SKAP1: variants seen among roughly 807,000 people sequenced by gnomAD.
SKAP1 encodes the protein src kinase associated phosphoprotein 1, also known as src kinase-associated phosphoprotein 1.
In SKAP1, 44 loss-of-function variants were observed where a neutral mutation model predicts 58.5. That is an observed-to-expected ratio of 0.75 (90% CI 0.59 to 0.97). The LOEUF (loss-of-function observed/expected upper bound fraction) is 0.97, where lower values mean the gene tolerates loss of function less well. SKAP1 is among the 50% of genes least tolerant of loss of function. SKAP1 has a pLI of 0.00. For missense variants in SKAP1, 390 were observed against 435.2 expected (o/e 0.90, Z 0.92); for synonymous variants, 127 against 149.7 (o/e 0.85, Z 1.11).
At chr17:48,306,028 T>C (rs1309777828) in intron 4 of SKAP1, among the ~76,000 whole-genome samples, 2 of 152,212 alleles carry the variant, frequency 1.3e-5, no homozygotes, top group East Asian at 3.8e-4. Context: ...ATTTGAGATT[T>C]TCAAGTTATA....
At chr17:48,406,507 G>A (rs2067587136) in intron 1 of SKAP1, among the ~76,000 whole-genome samples, 1 of 150,760 alleles carries the variant, frequency 6.6e-6, no homozygotes, top group South Asian at 2.1e-4. Context: ...GGGCTCAAGT[G>A]ATTCACCCAC....
At chr17:48,338,065 C>CTTCT (rs887139952) in intron 4 of SKAP1, among the ~76,000 whole-genome samples, 3 of 149,648 alleles carry the variant, frequency 2.0e-5, no homozygotes, top group Non-Finnish European at 4.5e-5. Flanking sequence ...CACTTAGTTC[C>CTTCT]TTCTTTCTTT....
At chr17:48,216,483 C>T (rs2064940225) in intron 4 of SKAP1, among the ~76,000 whole-genome samples, 1 of 150,298 alleles carries the variant, frequency 6.7e-6, no homozygotes, top group Admixed American at 6.6e-5. Flanking sequence ...GCACCCAATA[C>T]TGTGAATATA....
At chr17:48,316,997 G>T (rs2066297881) in intron 4 of SKAP1, among the ~76,000 whole-genome samples, 1 of 152,110 alleles carries the variant, frequency 6.6e-6, no homozygotes, top group African/African-American at 2.4e-5. Flanking sequence ...CCAACATGTG[G>T]CAGGTATCCA....
chr17:48,181,277 A>T (rs1181465510), intron 8 of SKAP1, among the ~76,000 whole-genome samples: 1 of 152,212 alleles, frequency 6.6e-6, no homozygotes, highest in Non-Finnish European at 1.5e-5. Flanking sequence ...TGGAATGAAT[A>T]ATTTCTTCAA....
intron 2 of SKAP1, among the ~76,000 whole-genome samples, chr17:48,375,319 T>G (rs1188089084): frequency 6.9e-6 from 1 of 144,312 alleles, no homozygotes; most frequent in Non-Finnish European, 1.6e-5. Context: ...ACTCATCACC[T>G]GCTCCCCCAC....
chr17:48,200,547 T>G lies in SKAP1; in HGVS notation c.281-11047A>C, dbSNP rs1340659843. On this transcript the variant is annotated intron_variant, in intron 4 of 12. Coordinates refer to ENST00000336915, the MANE Select transcript of SKAP1 (RefSeq NM_003726.4). Reference sequence around the variant, plus strand: ...TGCCCACCACCATGCCCAGCTAATTTTTGTATTTTTAGTAGAGACGGGGTT... The same window carrying G: ...TGCCCACCACCATGCCCAGCTAATTGTTGTATTTTTAGTAGAGACGGGGTT... Among the ~76,000 whole-genome samples the G allele has an allele frequency of 2.6e-5, 4 of 152,000 alleles. No individual in the cohort carries two copies. The East Asian group carries it at 7.8e-4, about 30-fold the overall frequency.
chr17:48,404,308 C>T (rs966869642), intron 1 of SKAP1, among the ~76,000 whole-genome samples: 2 of 151,746 alleles, frequency 1.3e-5, no homozygotes, highest in African/African-American at 2.4e-5. Flanking sequence ...CAAAATTAGC[C>T]GGGCGTAGTG....
At chr17:48,323,992 C>A (rs2066400339) in intron 4 of SKAP1, among the ~76,000 whole-genome samples, 1 of 152,094 alleles carries the variant, frequency 6.6e-6, no homozygotes, top group South Asian at 2.1e-4. Context: ...GTATTCTGAG[C>A]TGTTAACACT....
intron 7 of SKAP1, among the ~76,000 whole-genome samples, chr17:48,184,469 T>A (rs547442442): frequency 5.8e-4 from 88 of 152,170 alleles, no homozygotes; most frequent in African/African-American, 2.0e-3. Context: ...ATCTCACCTA[T>A]GAAGTGAAAT....
At chr17:48,139,458 G>C (rs2063742774) in intron 11 of SKAP1, among the ~76,000 whole-genome samples, 1 of 152,146 alleles carries the variant, frequency 6.6e-6, no homozygotes, top group Non-Finnish European at 1.5e-5. Context: ...TGGGATTACA[G>C]GTATGAGCCA....
chr17:48,267,487 A>C (rs887248758), intron 4 of SKAP1, among the ~76,000 whole-genome samples: 5 of 152,318 alleles, frequency 3.3e-5, no homozygotes, highest in African/African-American at 1.2e-4. Context: ...TTTATACTTC[A>C]AATTACCACT....
At chr17:48,300,056 A>G (rs1408619375) in intron 4 of SKAP1, among the ~76,000 whole-genome samples, 4 of 151,956 alleles carry the variant, frequency 2.6e-5, no homozygotes, top group Admixed American at 1.3e-4. Flanking sequence ...TTATGAGAAA[A>G]CTGTTTTTAA....
At chr17:48,431,955 G>A (rs958807162), upstream of SKAP1, among the ~76,000 whole-genome samples, 1 of 152,122 alleles carries the variant, frequency 6.6e-6, no homozygotes, top group Admixed American at 6.5e-5. Context: ...CCTCAAAGAT[G>A]AGGGTGTGAT....
chr17:48,152,347 T>C (rs2063911527), intron 11 of SKAP1, among the ~76,000 whole-genome samples: 1 of 152,222 alleles, frequency 6.6e-6, no homozygotes, highest in African/African-American at 2.4e-5. Context: ...CAAGAAATGG[T>C]GGCAGAAGAG....
At chr17:48,436,238 A>T in the SKAP1 span, among the ~76,000 whole-genome samples, 350 of 152,144 alleles carry the variant, frequency 2.3e-3, 12 homozygotes, top group East Asian at 0.063. Context: ...TGCCAGGCTA[A>T]TTTTTGTATT....
At chr17:48,365,292 T>G (rs913910598) in intron 2 of SKAP1, among the ~76,000 whole-genome samples, 4 of 152,116 alleles carry the variant, frequency 2.6e-5, no homozygotes, top group African/African-American at 7.2e-5. Flanking sequence ...GTGGAAAGGA[T>G]CATTTGTAAG....
chr17:48,330,087 G>C (rs1240023302), intron 4 of SKAP1, among the ~76,000 whole-genome samples: 1 of 152,122 alleles, frequency 6.6e-6, no homozygotes, highest in Non-Finnish European at 1.5e-5. Context: ...GGTAATGAAG[G>C]CCAGGCTAAT....
chr17:48,174,836 C>T (rs2064267857), intron 9 of SKAP1, among the ~76,000 whole-genome samples: 1 of 152,204 alleles, frequency 6.6e-6, no homozygotes, highest in Admixed American at 6.6e-5. Flanking sequence ...GGGACCCCAA[C>T]CTTACATAGG....
Sources: allele counts gnomAD v4.1 joint callset (sites outside exome capture counted in the v4.1 genomes callset), GRCh38; gene constraint gnomAD v4.1.1; transcripts MANE v1.5; gene names NCBI Gene and HGNC (gene_info 2026-07-23, HGNC 2026-07-21).